The following MARVELD2 variants were observed in gnomAD, a reference collection of about 807,000 sequenced individuals.
MARVELD2 encodes the protein MARVEL domain containing 2.
A neutral mutation model predicts 57.6 loss-of-function variants in MARVELD2; 49 were observed. That is an observed-to-expected ratio of 0.85 (90% CI 0.68 to 1.08). MARVELD2 has a LOEUF of 1.08. Among genes scored for constraint, MARVELD2 ranks in the 50% least tolerant of loss-of-function variants. MARVELD2 has a pLI of 0.00. For missense variants in MARVELD2, 606 were observed against 701.1 expected (o/e 0.86, Z 1.53); for synonymous variants, 238 against 258.8 (o/e 0.92, Z 0.77).
intron 2 of MARVELD2, 33 bp downstream of exon 2, chr5:69,420,564 G>T (rs1766597688): frequency 1.3e-6 from 2 of 1,591,994 alleles, no homozygotes; most frequent in African/African-American, 1.3e-5. Context: ...ATTTGTGTGT[G>T]TATGTTTGTT....
chr5:69,441,547 G>GA lies in MARVELD2; in HGVS notation c.1578dup (p.Glu527ArgfsTer4), dbSNP rs1767325677. 19 of 1,607,716 alleles carry GA rather than the reference G, an allele frequency of 1.2e-5. No homozygotes were observed. Among genetic ancestry groups the GA allele is most frequent in the Non-Finnish European group, 1.3e-5 (15 of 1,176,156 alleles). ...TCTTTTACAGGATCCTACATTTCTG[G>GA]AAAAAAAAGAACGCTGTGATTACCT... On this transcript the variant is annotated frameshift_variant, in exon 7 of 7. Coordinates refer to ENST00000325631, the MANE Select transcript of MARVELD2 (RefSeq NM_001038603.3). LOFTEE classifies it high-confidence loss of function.
chr5:69,428,576 ATTTCTTC>A lies in MARVELD2; in HGVS notation c.1182+3941_1183-3944del, dbSNP rs1466172496. Among the ~76,000 whole-genome samples the A allele has an allele frequency of 1.8e-3, 87 of 47,518 alleles. 14 individuals carry two copies. Among genetic ancestry groups the A allele is most frequent in the African/African-American group, 4.2e-3 (57 of 13,574 alleles). The allele number at this position is 47,518 out of a possible 152,430, so 31.2% of individuals were successfully genotyped here. A position where few individuals can be genotyped will look rare whatever the true frequency, so the allele number is the denominator to read the frequency against. ...GAAATGTCTACATGGAAATATTCTG[ATTTCTTC>A]AGGCTCCCTTTCTATATTAAAAGGT... is the stretch of plus-strand genomic sequence containing the variant. On this transcript the variant is annotated intron_variant, in intron 3 of 6. Coordinates refer to ENST00000325631, the MANE Select transcript of MARVELD2 (RefSeq NM_001038603.3).
chr5:69,429,709 T>G (rs1054021056), intron 3 of MARVELD2, among the ~76,000 whole-genome samples: 1 of 152,130 alleles, frequency 6.6e-6, no homozygotes, highest in Non-Finnish European at 1.5e-5. Context: ...TCAGGCACCG[T>G]GGCTCACACC....
At chr5:69,428,673 G>A (rs1375886177) in intron 3 of MARVELD2, among the ~76,000 whole-genome samples, 1 of 152,006 alleles carries the variant, frequency 6.6e-6, no homozygotes, top group Non-Finnish European at 1.5e-5. Flanking sequence ...AAAATTTTAT[G>A]TAGAAAACAA....
intron 3 of MARVELD2, among the ~76,000 whole-genome samples, chr5:69,427,826 T>C (rs1209049874): frequency 1.3e-5 from 2 of 152,156 alleles, no homozygotes; most frequent in Admixed American, 6.6e-5. Flanking sequence ...TTCTTCCCAA[T>C]AGAGAACAGG....
At chr5:69,440,254 TTC>T (rs1165368345) in intron 5 of MARVELD2, among the ~76,000 whole-genome samples, 194 bp from the exon 6 acceptor site, 1 of 152,202 alleles carries the variant, frequency 6.6e-6, no homozygotes, top group Non-Finnish European at 1.5e-5. Flanking sequence ...TCAGGGCCCT[TTC>T]TCTCTTTTAT....
At chr5:69,432,890 A>C in intron 4 of MARVELD2, 32 bp from the exon 5 acceptor site, 1 of 1,613,770 alleles carries the variant, frequency 6.2e-7, no homozygotes, top group African/African-American at 1.3e-5. Context: ...TTAGTGAAAC[A>C]ATTATATCTT....
chr5:69,427,002 G>C (rs986534891), intron 3 of MARVELD2, among the ~76,000 whole-genome samples: 16 of 152,068 alleles, frequency 1.1e-4, no homozygotes, highest in African/African-American at 3.9e-4. Context: ...TGAGTACTAG[G>C]TCAGCTACTT....
intron 3 of MARVELD2, among the ~76,000 whole-genome samples, chr5:69,430,315 C>T (rs1766919652): frequency 6.6e-6 from 1 of 151,054 alleles, no homozygotes; most frequent in Non-Finnish European, 1.5e-5. Context: ...TGCAGTGAGT[C>T]GAGATCGTGC....
intron 5 of MARVELD2, among the ~76,000 whole-genome samples, chr5:69,439,484 T>A (rs1187807139): frequency 6.6e-6 from 1 of 151,692 alleles, no homozygotes; most frequent in African/African-American, 2.4e-5. Context: ...CTGGGCACAG[T>A]GGCTCATGCG....
At chr5:69,422,026 C>T (rs1290145354) in intron 2 of MARVELD2, among the ~76,000 whole-genome samples, 1 of 152,136 alleles carries the variant, frequency 6.6e-6, no homozygotes, top group Non-Finnish European at 1.5e-5. Context: ...TTCATGGACA[C>T]TTATCACTTC....
Position 69,419,598 on chromosome 5 carries a change from A to G in MARVELD2, c.213A>G (p.Ile71Met). The G allele has an allele frequency of 6.2e-7, 1 of 1,614,090 alleles. No homozygotes were observed. The highest frequency in any genetic ancestry group is 8.5e-7 in the Non-Finnish European group (1 of 1,179,986). The change falls in exon 2 of 7, where the codon ATA (isoleucine) becomes ATG (methionine). Residue 71 changes from isoleucine (I) to methionine (M), a missense_variant. By Grantham distance (10) the Ile-to-Met change is conservative. Transcript: ENST00000325631. ...CAAGTGACACAGAAGAACCAGCTATAGCGCCAGATCTCAAACCAGTAAGGC... is the reference window on the plus strand; with the variant it reads ...CAAGTGACACAGAAGAACCAGCTATGGCGCCAGATCTCAAACCAGTAAGGC... ...FYSSDTEEPAIAPDLKPVRRF... is the reference protein window; with the variant it reads ...FYSSDTEEPAMAPDLKPVRRF...
intron 3 of MARVELD2, among the ~76,000 whole-genome samples, chr5:69,430,978 A>C (rs1488249500): frequency 6.6e-6 from 1 of 151,340 alleles, no homozygotes; most frequent in Non-Finnish European, 1.5e-5. Flanking sequence ...GCTGGAGTGC[A>C]GTGGACCATT....
intron 5 of MARVELD2, among the ~76,000 whole-genome samples, chr5:69,439,062 C>CAA (rs11315832): frequency 1.9e-4 from 17 of 89,202 alleles, no homozygotes; most frequent in East Asian, 3.3e-4. Context: ...GACCCTGTCT[C>CAA]AAAAAAAAAA....
At chr5:69,432,745 G>A in intron 4 of MARVELD2, 70 bp downstream of exon 4, 2 of 1,605,396 alleles carry the variant, frequency 1.2e-6, no homozygotes, top group South Asian at 1.1e-5. Context: ...TCATTTTCCA[G>A]TTTGTCTCCA....
intron 5 of MARVELD2, among the ~76,000 whole-genome samples, chr5:69,435,696 T>C (rs557620073): frequency 7.1e-5 from 9 of 125,898 alleles, no homozygotes; most frequent in African/African-American, 2.8e-4. Context: ...GAGGTTGCAG[T>C]GGGCCAAGAT....
At chr5:69,416,970 C>T (rs990637317) in intron 1 of MARVELD2, among the ~76,000 whole-genome samples, 3 of 152,188 alleles carry the variant, frequency 2.0e-5, no homozygotes, top group Admixed American at 1.3e-4. Context: ...AGACAAAGTC[C>T]TTTCTTTCCA....
At chr5:69,431,266 C>T (rs907505398) in intron 3 of MARVELD2, among the ~76,000 whole-genome samples, 1 of 152,014 alleles carries the variant, frequency 6.6e-6, no homozygotes, top group Non-Finnish European at 1.5e-5. Flanking sequence ...AGGCGCCCGC[C>T]ACTATGCCCG....
rs1448225370 is a variant in MARVELD2 at position 69,419,551 on chromosome 5, C to T, written c.166C>T (p.Pro56Ser). Residue 56 changes from proline (P) to serine (S), a missense_variant, in exon 2 of 7, where the codon CCA becomes TCA. Physicochemically the swap from Pro to Ser is moderately conservative, Grantham distance 74 (BLOSUM62 -1). Transcript: ENST00000325631. Reference sequence around the variant, plus strand: ...ACCACCCCCTCTCCCATTACAGCCACCATTCGGCCCAGACTTCTACTCAAG... The same window carrying T: ...ACCACCCCCTCTCCCATTACAGCCATCATTCGGCCCAGACTTCTACTCAAG... ...LPPPPLPLQP[P>S]FGPDFYSSDT... 6 of 1,614,178 alleles carry T rather than the reference C, an allele frequency of 3.7e-6. No homozygotes were observed. The South Asian group carries it at 4.4e-5, about 12-fold the overall frequency.
Sources: allele counts gnomAD v4.1 joint callset (sites outside exome capture counted in the v4.1 genomes callset), GRCh38; gene constraint gnomAD v4.1.1; transcripts MANE v1.5; gene names NCBI Gene and HGNC (gene_info 2026-07-23, HGNC 2026-07-21).